The following SCFD2 variants were observed in gnomAD, a reference collection of about 807,000 sequenced individuals.
SCFD2 encodes sec1 family domain-containing protein 2.
SCFD2 carries 54 observed loss-of-function variants against 58.9 expected under a neutral mutation model. The ratio of observed to expected loss-of-function variants is 0.92; its 90% confidence interval spans 0.74 to 1.15. The LOEUF is 1.15. Ranked by LOEUF, SCFD2 falls within the 50% of genes most tolerant of loss-of-function variation. SCFD2 has a pLI of 0.00. For missense variants in SCFD2, 805 were observed against 836.6 expected, an observed-to-expected ratio of 0.96 and a Z score of 0.47; for synonymous variants, 321 against 335.9, an observed-to-expected ratio of 0.96 and a Z score of 0.49.
chr4:53,251,963 A>G (rs2149040651), intron 4 of SCFD2, among the ~76,000 whole-genome samples: 2 of 152,314 alleles, frequency 1.3e-5, no homozygotes, highest in Middle Eastern at 6.8e-3. Context: ...TGCAGACGAC[A>G]TGAATGTATA....
At chr4:53,321,819 A>G (rs1026864732) in intron 2 of SCFD2, among the ~76,000 whole-genome samples, 2 of 152,262 alleles carry the variant, frequency 1.3e-5, no homozygotes, top group Middle Eastern at 3.2e-3. Flanking sequence ...AGTGCAAGAT[A>G]TGTGACAGAG....
intron 3 of SCFD2, among the ~76,000 whole-genome samples, chr4:53,305,743 A>G (rs1175374492): frequency 6.6e-6 from 1 of 152,148 alleles, no homozygotes; most frequent in Non-Finnish European, 1.5e-5. Flanking sequence ...CACCTATCCC[A>G]CATGTATCAA....
intron 1 of SCFD2, among the ~76,000 whole-genome samples, chr4:53,359,457 C>G (rs1193045766): frequency 6.6e-6 from 1 of 152,156 alleles, no homozygotes; most frequent in Non-Finnish European, 1.5e-5. Context: ...TTCAAATCAC[C>G]TCTCAGGCCT....
intron 4 of SCFD2, among the ~76,000 whole-genome samples, chr4:53,167,276 A>G (rs575310703): frequency 6.6e-5 from 10 of 152,312 alleles, no homozygotes; most frequent in African/African-American, 2.4e-4. Flanking sequence ...TTAGCCTACC[A>G]CCTTACAATG....
intron 5 of SCFD2, among the ~76,000 whole-genome samples, chr4:53,128,176 A>G (rs1725689170): frequency 6.6e-6 from 1 of 152,104 alleles, no homozygotes; most frequent in African/African-American, 2.4e-5. Context: ...AAACGTAAAG[A>G]TAATACTAAG....
At chr4:52,899,949 T>G (rs1037430756) in intron 7 of SCFD2, among the ~76,000 whole-genome samples, 1 of 152,252 alleles carries the variant, frequency 6.6e-6, no homozygotes, top group Non-Finnish European at 1.5e-5. Flanking sequence ...CATCGGTTAC[T>G]TAGGCTTGTG....
intron 5 of SCFD2, among the ~76,000 whole-genome samples, chr4:53,072,727 A>T (rs1362470757): frequency 6.6e-6 from 1 of 151,896 alleles, no homozygotes; most frequent in Non-Finnish European, 1.5e-5. Context: ...CATCTGTAAA[A>T]CTCACTGCAT....
At position 53,003,194 on chromosome 4, in the gene SCFD2, C is replaced by T. The variant is rs1368422574; in HGVS notation, c.1562-82324G>A. 6.6e-5 allele frequency among the ~76,000 whole-genome samples: 10 copies of T among 152,296 alleles called. No homozygotes were observed. The East Asian group carries it at 1.4e-3, about 21-fold the overall frequency. ...CTCTTTTCCCTCTCTCCCTTCCTTT[C>T]GTCCTTCTTTTCTTTCTTTCATTCA... On this transcript the variant is annotated intron_variant, in intron 5 of 8. Transcript: ENST00000401642.
At chr4:53,141,593 G>A (rs1726167080) in intron 5 of SCFD2, among the ~76,000 whole-genome samples, 1 of 151,626 alleles carries the variant, frequency 6.6e-6, no homozygotes, top group African/African-American at 2.4e-5. Flanking sequence ...CATGTACAAT[G>A]CTTACACACA....
At chr4:52,963,981 T>G (rs1477211585) in intron 5 of SCFD2, among the ~76,000 whole-genome samples, 1 of 152,226 alleles carries the variant, frequency 6.6e-6, no homozygotes, top group African/African-American at 2.4e-5. Context: ...TAGTCATACA[T>G]TTGTCCTTGC....
chr4:53,154,797 A>G (rs1255059976), intron 4 of SCFD2, among the ~76,000 whole-genome samples: 2 of 152,162 alleles, frequency 1.3e-5, no homozygotes, highest in Admixed American at 1.3e-4. Context: ...TAATCATATG[A>G]GTGCTTAAAA....
intron 5 of SCFD2, among the ~76,000 whole-genome samples, chr4:53,090,953 T>C (rs747644041): frequency 3.3e-5 from 5 of 152,192 alleles, no homozygotes; most frequent in Non-Finnish European, 7.4e-5. Flanking sequence ...CAGGTCTGCC[T>C]AACCACTGAA....
chr4:53,068,290 A>C (rs539877784), intron 5 of SCFD2, among the ~76,000 whole-genome samples: 206 of 152,236 alleles, frequency 1.4e-3, no homozygotes, highest in South Asian at 5.8e-3. Flanking sequence ...ACATAAATTT[A>C]ACTGTCAGAA....
At chr4:53,190,565 C>G (rs1275563107) in intron 4 of SCFD2, among the ~76,000 whole-genome samples, 1 of 152,140 alleles carries the variant, frequency 6.6e-6, no homozygotes, top group Non-Finnish European at 1.5e-5. Context: ...CTTCCTATTC[C>G]ATGGCATTTA....
At chr4:53,102,764 A>G (rs1394376265) in intron 5 of SCFD2, among the ~76,000 whole-genome samples, 4 of 152,128 alleles carry the variant, frequency 2.6e-5, no homozygotes, top group African/African-American at 9.7e-5. Flanking sequence ...CATGATTTTC[A>G]GGAAGGCAAA....
intron 3 of SCFD2, among the ~76,000 whole-genome samples, chr4:53,305,222 C>T (rs184614077): frequency 8.5e-5 from 13 of 152,126 alleles, no homozygotes; most frequent in African/African-American, 2.4e-4. Flanking sequence ...TCATTGCCAA[C>T]GCCAGTGTCA....
At chr4:52,923,307 T>C (rs1184702462) in intron 5 of SCFD2, among the ~76,000 whole-genome samples, 1 of 151,888 alleles carries the variant, frequency 6.6e-6, no homozygotes, top group Non-Finnish European at 1.5e-5. Context: ...TGAAACCCTG[T>C]CTCTACAAAA....
intron 4 of SCFD2, among the ~76,000 whole-genome samples, chr4:53,242,513 T>C (rs1577885843): frequency 6.6e-6 from 1 of 152,240 alleles, no homozygotes; most frequent in East Asian, 1.9e-4. Context: ...TGAAGGAACA[T>C]TAGCCCACAA....
chr4:53,362,923 T>C (rs1734586738), intron 1 of SCFD2, among the ~76,000 whole-genome samples: 1 of 152,016 alleles, frequency 6.6e-6, no homozygotes, highest in South Asian at 2.1e-4. Context: ...GAAAAAGACA[T>C]GGGTACAGAT....
Sources: allele counts gnomAD v4.1 joint callset (sites outside exome capture counted in the v4.1 genomes callset), GRCh38; gene constraint gnomAD v4.1.1; transcripts MANE v1.5; gene names NCBI Gene and HGNC (gene_info 2026-07-23, HGNC 2026-07-21).